Variants in CGNL1 observed in about 807,000 individuals in gnomAD.
CGNL1 encodes the protein cingulin-like protein 1.
In CGNL1, 132 loss-of-function variants were observed where a neutral mutation model predicts 141.2. That is an observed-to-expected ratio of 0.93 (90% CI 0.81 to 1.08). CGNL1 has a LOEUF of 1.08. CGNL1 is among the 50% of genes least tolerant of loss of function. The pLI is 0.00. For missense variants in CGNL1, 1,870 were observed against 1,588.6 expected (o/e 1.18, Z -3.01); for synonymous variants, 690 against 622.1 (o/e 1.11, Z -1.63).
intron 1 of CGNL1, among the ~76,000 whole-genome samples, chr15:57,416,233 G>A (rs2062848136): frequency 6.8e-6 from 1 of 147,782 alleles, no homozygotes; most frequent in Non-Finnish European, 1.5e-5. Flanking sequence ...AAGGATGAGT[G>A]TAACAACTTC....
intron 10 of CGNL1, 140 bp downstream of exon 10, chr15:57,518,637 G>C (rs1312552613): frequency 5.0e-5 from 32 of 645,450 alleles, no homozygotes; most frequent in Non-Finnish European, 8.8e-5. Context: ...TCAGTTATTT[G>C]AACTATCCGT....
chr15:57,454,499 A>C (rs1346074215), intron 7 of CGNL1, among the ~76,000 whole-genome samples: 3 of 152,088 alleles, frequency 2.0e-5, no homozygotes, highest in Non-Finnish European at 2.9e-5. Context: ...CCAGTTTTGA[A>C]ATAATTCCTC....
intron 4 of CGNL1, 22 bp from the exon 5 acceptor site, chr15:57,451,478 A>G (rs574041912): frequency 4.6e-6 from 7 of 1,509,706 alleles, no homozygotes; most frequent in Admixed American, 3.5e-5. Context: ...TTAAATTAGT[A>G]TATCTTTGCA....
rs1206511012 is a variant in CGNL1 at position 57,453,834 on chromosome 15, G to A, written c.2190+16G>A. 1 of 1,612,440 alleles carries A rather than the reference G, an allele frequency of 6.2e-7. No individual in the cohort carries two copies. Among genetic ancestry groups the A allele is most frequent in the Middle Eastern group, 1.8e-4 (1 of 5,448 alleles). ...TCTGATTGAGGTAAGCAGGGCTGTG[G>A]GGTCAGGTGATAAGACAGGCCCCAC... On this transcript the variant is annotated intron_variant, in intron 7 of 18. Coordinates refer to ENST00000281282, the MANE Select transcript of CGNL1 (RefSeq NM_032866.5).
At chr15:57,474,925 T>G (rs2063632408) in intron 8 of CGNL1, among the ~76,000 whole-genome samples, 1 of 152,206 alleles carries the variant, frequency 6.6e-6, no homozygotes, top group African/African-American at 2.4e-5. Context: ...CAAGAAGAAG[T>G]CCTAAGTTTA....
rs141337949 is a variant in CGNL1 at position 57,418,837 on chromosome 15, G to A, written c.-15-19148G>A. ...TGATGTGAGTTTCTCTGCGCTGGCCGTCCGACATGCCAGAGCTGGCGGGTG... is the reference window on the plus strand; with the variant it reads ...TGATGTGAGTTTCTCTGCGCTGGCCATCCGACATGCCAGAGCTGGCGGGTG... On this transcript the variant is annotated intron_variant, in intron 1 of 18. Transcript: ENST00000281282. Among the ~76,000 whole-genome samples, 11 of 152,250 alleles carry A rather than the reference G, an allele frequency of 7.2e-5. No individual in the cohort carries two copies. The East Asian group carries it at 2.1e-3, about 29-fold the overall frequency.
chr15:57,438,015 G>C lies in CGNL1; in HGVS notation c.16G>C (p.Gly6Arg), dbSNP rs1459847969. The C allele has an allele frequency of 1.5e-5, 24 of 1,611,940 alleles. No homozygotes were observed. The highest frequency in any genetic ancestry group is 2.0e-5 in the Non-Finnish European group (24 of 1,179,778). MELYF[G>R]EYQHVQQEYG... Reference sequence around the variant, plus strand: ...ACAGTGAACCATGGAGCTGTATTTCGGTGAATATCAACATGTGCAGCAGGA... The same window carrying C: ...ACAGTGAACCATGGAGCTGTATTTCCGTGAATATCAACATGTGCAGCAGGA... The change falls in exon 2 of 19, where the codon GGT becomes CGT. Residue 6 changes from glycine (G) to arginine (R), a missense_variant. By Grantham distance (125) the Gly-to-Arg change is moderately radical. Coordinates refer to ENST00000281282, the MANE Select transcript of CGNL1 (RefSeq NM_032866.5).
At position 57,440,109 on chromosome 15, in the gene CGNL1, T is replaced by TAAAA. The variant is rs34790913; in HGVS notation, c.1603-256_1603-253dup. ...AAAAATAATGATATTGATAAAATGG[T>TAAAA]AAAAAAAAAAAAAAAGTAGCTAAGT... On this transcript the variant is annotated intron_variant, in intron 2 of 18. Transcript: ENST00000281282. Among the ~76,000 whole-genome samples the TAAAA allele has an allele frequency of 4.0e-3, 565 of 142,892 alleles. 1 individual carries two copies. Among genetic ancestry groups the TAAAA allele is most frequent in the East Asian group, 7.9e-3 (39 of 4,940 alleles). 93.7% of individuals were successfully genotyped at this position (142,892 alleles called of 152,430 possible).
chr15:57,452,546 C>T (rs1435555669), intron 6 of CGNL1, among the ~76,000 whole-genome samples: 1 of 152,024 alleles, frequency 6.6e-6, no homozygotes, highest in Non-Finnish European at 1.5e-5. Flanking sequence ...TTAAAGTGGA[C>T]CTCCTAGCAG....
At chr15:57,403,743 G>A (rs1429358691) in intron 1 of CGNL1, among the ~76,000 whole-genome samples, 1 of 152,264 alleles carries the variant, frequency 6.6e-6, no homozygotes, top group Non-Finnish European at 1.5e-5. Flanking sequence ...AGATGGAGGT[G>A]ACGTTGTGCA....
intron 8 of CGNL1, among the ~76,000 whole-genome samples, chr15:57,495,018 C>T (rs1338471924): frequency 3.9e-5 from 6 of 152,208 alleles, no homozygotes; most frequent in Admixed American, 3.9e-4. Flanking sequence ...ATCACCTCTA[C>T]TGGAAATGGC....
At chr15:57,425,350 C>T (rs1486327605) in intron 1 of CGNL1, among the ~76,000 whole-genome samples, 1 of 151,962 alleles carries the variant, frequency 6.6e-6, no homozygotes, top group Non-Finnish European at 1.5e-5. Flanking sequence ...GGTGATGGAG[C>T]AATACCCTGT....
intron 1 of CGNL1, among the ~76,000 whole-genome samples, chr15:57,394,359 A>G (rs750432877): frequency 5.9e-5 from 9 of 152,184 alleles, no homozygotes; most frequent in Non-Finnish European, 1.3e-4. Flanking sequence ...TCCCGACTTC[A>G]GGTGATCCAC....
intron 1 of CGNL1, among the ~76,000 whole-genome samples, chr15:57,432,939 T>C (rs868348757): frequency 1.1e-4 from 16 of 152,108 alleles, no homozygotes; most frequent in African/African-American, 1.9e-4. Flanking sequence ...GTAATTAGTG[T>C]TGACTGTAGT....
At chr15:57,495,682 G>T (rs1163957537) in intron 8 of CGNL1, among the ~76,000 whole-genome samples, 1 of 152,136 alleles carries the variant, frequency 6.6e-6, no homozygotes, top group African/African-American at 2.4e-5. Context: ...TTTTGGGGAG[G>T]CACTTATAAG....
chr15:57,462,391 T>C (rs1003742635), intron 8 of CGNL1, among the ~76,000 whole-genome samples: 6 of 152,226 alleles, frequency 3.9e-5, no homozygotes, highest in Non-Finnish European at 8.8e-5. Context: ...ATTGGCTGAA[T>C]TGCCGAAACC....
At chr15:57,476,483 G>A (rs1443726668) in intron 8 of CGNL1, among the ~76,000 whole-genome samples, 2 of 152,176 alleles carry the variant, frequency 1.3e-5, no homozygotes, top group Non-Finnish European at 2.9e-5. Context: ...ATTCTTGAGT[G>A]CTTATTTACT....
chr15:57,441,075 A>G (rs1372858093), intron 3 of CGNL1, among the ~76,000 whole-genome samples: 1 of 2,860 alleles, frequency 3.5e-4, no homozygotes, highest in East Asian at 0.042. Flanking sequence ...AGGAAGGACA[A>G]AAAAAAAAAA....
intron 1 of CGNL1, among the ~76,000 whole-genome samples, chr15:57,386,766 C>T (rs1401584727): frequency 1.3e-5 from 2 of 152,068 alleles, no homozygotes; most frequent in South Asian, 2.1e-4. Flanking sequence ...GTGAGGTGTG[C>T]GGTGAAGATG....
Sources: gnomAD v4.1 joint callset for allele counts (sites outside exome capture counted in the v4.1 genomes callset) on GRCh38, gnomAD v4.1.1 for gene constraint, MANE v1.5 for transcripts, NCBI Gene and HGNC (gene_info 2026-07-23, HGNC 2026-07-21) for gene names.